The following FBN3 variants were observed in gnomAD, a reference collection of about 807,000 sequenced individuals.
The protein encoded by FBN3 is fibrillin 3.
Under a neutral mutation model 330.1 loss-of-function variants are expected in FBN3, and 234 were observed. The ratio of observed to expected loss-of-function variants is 0.71; its 90% CI spans 0.64 to 0.79. The LOEUF is 0.79. FBN3 is among the 30% of genes least tolerant of loss of function. FBN3 has a pLI of 0.00. For synonymous variants in FBN3, 1,458 were observed against 1,517.3 expected (o/e 0.96, Z 0.91); for missense variants, 3,606 against 3,886.9 (o/e 0.93, Z 1.92).
chr19:8,086,002 T>TG (rs1478620115), intron 55 of FBN3, among the ~76,000 whole-genome samples, 198 bp downstream of exon 55: 1 of 65,392 alleles, frequency 1.5e-5, no homozygotes, highest in African/African-American at 5.9e-5. Context: ...GGACAGGCAG[T>TG]GGGGGGACAG....
chr19:8,078,757 C>T (rs2081701988), intron 59 of FBN3, among the ~76,000 whole-genome samples: 1 of 148,866 alleles, frequency 6.7e-6, no homozygotes, highest in Non-Finnish European at 1.5e-5. Flanking sequence ...CCTCTTGTTT[C>T]AAGAGTCTTT....
intron 32 of FBN3, 124 bp from the exon 33 acceptor site, chr19:8,111,307 G>A (rs1339755392): frequency 8.0e-7 from 1 of 1,253,928 alleles, no homozygotes; most frequent in Non-Finnish European, 1.1e-6. Flanking sequence ...GTAGCCCTGG[G>A]GACTCAGTCC....
chr19:8,140,425 T>C (rs1413827384), intron 8 of FBN3, among the ~76,000 whole-genome samples: 1 of 152,042 alleles, frequency 6.6e-6, no homozygotes, highest in Non-Finnish European at 1.5e-5. Context: ...GATCGTGCCA[T>C]TGCACTCCAG....
intron 63 of FBN3, among the ~76,000 whole-genome samples, chr19:8,070,961 G>A (rs2145349641): frequency 6.6e-6 from 1 of 151,546 alleles, no homozygotes; most frequent in Non-Finnish European, 1.5e-5. Flanking sequence ...GGCAGAGATT[G>A]CGGTCAGCCG....
intron 38 of FBN3, among the ~76,000 whole-genome samples, chr19:8,104,925 C>CTT (rs1568400926): frequency 6.9e-5 from 8 of 115,492 alleles, no homozygotes; most frequent in Non-Finnish European, 1.3e-4. Flanking sequence ...TTTCTTTCTT[C>CTT]TCTTTCTTTC....
chr19:8,083,403 G>T, intron 56 of FBN3, 31 bp from the exon 57 acceptor site: 1 of 1,612,184 alleles, frequency 6.2e-7, no homozygotes. Flanking sequence ...AATGGGGCTG[G>T]CTGGCTGCTT....
rs774093446 is a variant in FBN3 at position 8,115,699 on chromosome 19, G to A, written c.3713-59C>T. ...GGGTGCAGGGGTGACAGGAGAGGAA[G>A]TAGGTGAGGGTGGGAGGGAGATCAC... On this transcript the variant is annotated intron_variant, in intron 29 of 63. Transcript: ENST00000600128. 1.4e-3 allele frequency: 2,187 copies of A among 1,588,796 alleles called. 1 individual carries two copies. Among genetic ancestry groups the A allele is most frequent in the Non-Finnish European group, 1.8e-3 (2,104 of 1,159,490 alleles).
At chr19:8,141,063 C>A (rs1036818174) in intron 8 of FBN3, among the ~76,000 whole-genome samples, 1 of 151,400 alleles carries the variant, frequency 6.6e-6, no homozygotes, top group African/African-American at 2.4e-5. Flanking sequence ...GGCGTGGTAG[C>A]GGGCGCCTGT....
rs1219454457 is a variant in FBN3 at position 8,149,394 on chromosome 19, C to T, written c.-18+55G>A. The T allele has an allele frequency of 1.3e-5, 2 of 151,912 alleles. No individual in the cohort carries two copies. The highest frequency in any genetic ancestry group is 3.9e-4 in the East Asian group (2 of 5,156). 9.4% of individuals were successfully genotyped at this position (151,912 alleles called of 1,614,324 possible). On this transcript the variant is annotated intron_variant, in intron 1 of 63. Coordinates refer to ENST00000600128, the MANE Select transcript of FBN3 (RefSeq NM_032447.5). The surrounding 1 kb of genome is among the most constrained non-coding windows in gnomAD (Gnocchi z 5.5). ...GCCGGCCCCCCCGCCCCCGCCTTCT[C>T]CACCCTTCAGCGCCCGCGATCTCGC...
intron 13 of FBN3, 25 bp downstream of exon 13, chr19:8,135,936 G>GGCACACCCCC: frequency 1.5e-6 from 1 of 668,778 alleles, no homozygotes; most frequent in Non-Finnish European, 2.4e-6. Context: ...GGAAGCCCCT[G>GGCACACCCCC]CCCACCCGCC....
intron 8 of FBN3, among the ~76,000 whole-genome samples, chr19:8,140,918 C>T (rs1378958088): frequency 6.6e-6 from 1 of 152,056 alleles, no homozygotes; most frequent in African/African-American, 2.4e-5. Context: ...GCCAGCCGGG[C>T]GCGGTGGCTC....
chr19:8,075,329 T>C lies in FBN3; in HGVS notation c.7536A>G (p.Glu2512=). ...TGACCAGGGTGAAGCCTTGGTGGCA[T>C]TCACAGCGGAAGCTGCCCGGGGTGT... ...CHNTPGSFRC[E]CHQGFTLVSS... Residue 2512 remains glutamate, a synonymous_variant, in exon 60 of 64, where the codon GAA becomes GAG. Transcript: ENST00000600128. 6.2e-7 allele frequency: 1 copy of C among 1,614,224 alleles called. No individual in the cohort carries two copies. The highest frequency in any genetic ancestry group is 8.5e-7 in the Non-Finnish European group (1 of 1,180,042).
chr19:8,072,983 G>C (rs2081553170), intron 62 of FBN3, 80 bp downstream of exon 62: 1 of 830,014 alleles, frequency 1.2e-6, no homozygotes, highest in African/African-American at 1.7e-5. Flanking sequence ...GTGTGTGTGT[G>C]TGTGTGTGTG....
At chr19:8,083,807 T>TTTC (rs1568367175) in intron 56 of FBN3, among the ~76,000 whole-genome samples, 1 of 142,788 alleles carries the variant, frequency 7.0e-6, no homozygotes, top group Non-Finnish European at 1.6e-5. Flanking sequence ...TATTTTTTCT[T>TTTC]TTTTTTTTTT....
rs1248347009 is a variant in FBN3 at position 8,131,186 on chromosome 19, C to CACCAGATG, written c.2044+48_2044+49insCATCTGGT. 16 of 1,567,806 alleles carry CACCAGATG rather than the reference C, an allele frequency of 1.0e-5. No homozygotes were observed. Among genetic ancestry groups the CACCAGATG allele is most frequent in the Admixed American group, 1.9e-5 (1 of 53,272 alleles). On this transcript the variant is annotated intron_variant, in intron 16 of 63. Transcript: ENST00000600128. This position sits in a 1 kb window ranked among gnomAD's most constrained non-coding sequence, Gnocchi z 4.5. ...CCTCCCACCACAGCTCTCCCCACAT[C>CACCAGATG]TGGTAGGGGCAGGCTGGCTGCTGTT...
chr19:8,135,936 G>GCAC, intron 13 of FBN3, 25 bp downstream of exon 13: 9 of 668,770 alleles, frequency 1.3e-5, no homozygotes, highest in South Asian at 3.2e-5. Flanking sequence ...GGAAGCCCCT[G>GCAC]CCCACCCGCC....
intron 6 of FBN3, among the ~76,000 whole-genome samples, chr19:8,142,534 C>A (rs774922056): frequency 6.6e-6 from 1 of 152,082 alleles, no homozygotes; most frequent in African/African-American, 2.4e-5. Context: ...GCCATATCGC[C>A]CAGATTTGGG....
chr19:8,116,358 T>C (rs1000896515), intron 29 of FBN3, among the ~76,000 whole-genome samples: 1 of 152,200 alleles, frequency 6.6e-6, no homozygotes. Flanking sequence ...AGCACAGCCC[T>C]TGAACAGGAC....
rs185738104 is a variant in FBN3, at chr19:8,126,701, G to A, written c.2416+12C>T. 41 of 1,581,460 alleles carry A rather than the reference G, an allele frequency of 2.6e-5. No individual in the cohort carries two copies. In the African/African-American group the frequency reaches 3.2e-4, roughly 12 times the overall value. ...AGCCTCTGGAACGCCGTCGGGCTCC[G>A]GGGCCGCTCACCTAGACAGAAGGTA... On this transcript the variant is annotated intron_variant, in intron 19 of 63. Coordinates refer to ENST00000600128, the MANE Select transcript of FBN3 (RefSeq NM_032447.5).
Sources: allele counts gnomAD v4.1 joint callset (sites outside exome capture counted in the v4.1 genomes callset), GRCh38; gene constraint gnomAD v4.1.1; non-coding constraint Gnocchi (gnomAD v3.1); transcripts MANE v1.5; gene names NCBI Gene and HGNC (gene_info 2026-07-23, HGNC 2026-07-21).